Variants in VEZT observed in about 807,000 individuals in gnomAD.
VEZT encodes the protein vezatin.
A neutral mutation model predicts 79.9 loss-of-function variants in VEZT; 39 were observed. The ratio of observed to expected loss-of-function variants is 0.49; its 90% CI spans 0.38 to 0.64. VEZT has a LOEUF of 0.64. VEZT is among the 30% of genes least tolerant of loss of function. The probability of loss-of-function intolerance (pLI) is 0.00; values close to 1 mark genes in which losing one functional copy is unlikely to be tolerated. For missense variants in VEZT, 837 were observed against 893.1 expected (o/e 0.94, Z 0.80); for synonymous variants, 325 against 327.6 (o/e 0.99, Z 0.09).
At chr12:95,250,265 T>G (rs1274070337) in intron 1 of VEZT, among the ~76,000 whole-genome samples, 4 of 141,414 alleles carry the variant, frequency 2.8e-5, no homozygotes, top group Non-Finnish European at 6.1e-5. Context: ...TTTCATTGAA[T>G]GGAATCAAGA....
At chr12:95,260,295 G>A (rs376111448) in intron 3 of VEZT, among the ~76,000 whole-genome samples, 255 of 152,074 alleles carry the variant, frequency 1.7e-3, no homozygotes, top group Middle Eastern at 6.8e-3. Flanking sequence ...TAGTAGAGAT[G>A]AGGTTTCACT....
intron 1 of VEZT, among the ~76,000 whole-genome samples, chr12:95,237,571 CCAAA>C (rs2060365974): frequency 6.6e-6 from 1 of 152,292 alleles, no homozygotes; most frequent in East Asian, 1.9e-4. Flanking sequence ...AGGGCCATTA[CCAAA>C]CACTCACCAC....
chr12:95,236,071 C>A (rs796697021), intron 1 of VEZT, among the ~76,000 whole-genome samples: 2 of 152,098 alleles, frequency 1.3e-5, no homozygotes, highest in African/African-American at 4.8e-5. Context: ...CCAAGGCAGG[C>A]GGCTGGGAGG....
At chr12:95,223,786 T>G (rs2057986742) in intron 1 of VEZT, among the ~76,000 whole-genome samples, 2 of 152,206 alleles carry the variant, frequency 1.3e-5, no homozygotes, top group South Asian at 4.1e-4. Context: ...TTGGTTTTGT[T>G]TGGTCAGTTC....
intron 3 of VEZT, among the ~76,000 whole-genome samples, chr12:95,261,019 A>G (rs904518716): frequency 2.0e-5 from 3 of 151,934 alleles, no homozygotes; most frequent in Non-Finnish European, 2.9e-5. Context: ...AAAAAAAAAA[A>G]AAGCCATATC....
intron 9 of VEZT, among the ~76,000 whole-genome samples, chr12:95,291,237 A>G (rs569030622): frequency 2.6e-5 from 4 of 152,284 alleles, no homozygotes; most frequent in African/African-American, 7.2e-5. Flanking sequence ...TCTCAAAAAT[A>G]TATGTGTGTG....
intron 1 of VEZT, among the ~76,000 whole-genome samples, chr12:95,236,561 G>A (rs1031905718): frequency 4.6e-5 from 7 of 151,786 alleles, no homozygotes; most frequent in Admixed American, 1.3e-4. Flanking sequence ...TGAGGCAAAT[G>A]CTCTTACTGA....
chr12:95,238,053 G>C (rs576465409), intron 1 of VEZT, among the ~76,000 whole-genome samples: 16 of 152,152 alleles, frequency 1.1e-4, no homozygotes, highest in Non-Finnish European at 2.1e-4. Flanking sequence ...TGCCTTGCAG[G>C]GTTGAGCATT....
intron 7 of VEZT, among the ~76,000 whole-genome samples, chr12:95,280,524 T>TACACACACAC (rs10611290): frequency 3.6e-5 from 5 of 137,642 alleles, no homozygotes; most frequent in African/African-American, 5.4e-5. Flanking sequence ...TTCATATGTG[T>TACACACACAC]ACACACACAC....
At chr12:95,232,526 A>AG (rs2059403706) in intron 1 of VEZT, among the ~76,000 whole-genome samples, 1 of 152,152 alleles carries the variant, frequency 6.6e-6, no homozygotes, top group Non-Finnish European at 1.5e-5. Flanking sequence ...ATTACTTCTC[A>AG]AACATTACAC....
chr12:95,296,732 G>C (rs1391279030), intron 11 of VEZT: 1 of 152,908 alleles, frequency 6.5e-6, no homozygotes, highest in Non-Finnish European at 1.5e-5. Flanking sequence ...TTGAGGTCAG[G>C]AGTTCAAGAC....
intron 2 of VEZT, among the ~76,000 whole-genome samples, chr12:95,254,333 G>A (rs2063102985): frequency 7.1e-6 from 1 of 141,582 alleles, no homozygotes; most frequent in Non-Finnish European, 1.5e-5. Flanking sequence ...TTTCTAAAAC[G>A]AAGTTCTTTT....
intron 2 of VEZT, 30 bp from the exon 3 acceptor site, chr12:95,257,120 A>G: frequency 1.3e-6 from 2 of 1,560,394 alleles, no homozygotes; most frequent in Non-Finnish European, 1.8e-6. Context: ...GCTTTTAATA[A>G]TCCTATACAA....
At chr12:95,277,775 T>C (rs892452844) in intron 7 of VEZT, among the ~76,000 whole-genome samples, 1 of 152,226 alleles carries the variant, frequency 6.6e-6, no homozygotes, top group African/African-American at 2.4e-5. Context: ...TGAGAAGACA[T>C]ATTAAATACC....
At chr12:95,241,661 A>G (rs960049475) in intron 1 of VEZT, among the ~76,000 whole-genome samples, 1 of 152,080 alleles carries the variant, frequency 6.6e-6, no homozygotes, top group Admixed American at 6.6e-5. Flanking sequence ...AAATGTGGGG[A>G]GGGGGAGTTG....
chr12:95,220,554 A>T (rs1259975711), intron 1 of VEZT, among the ~76,000 whole-genome samples: 1 of 152,160 alleles, frequency 6.6e-6, no homozygotes, highest in Non-Finnish European at 1.5e-5. Context: ...AATGATCACT[A>T]TTTAAACATA....
chr12:95,278,968 G>A (rs749609219), intron 7 of VEZT, among the ~76,000 whole-genome samples: 6 of 152,226 alleles, frequency 3.9e-5, no homozygotes, highest in Non-Finnish European at 7.3e-5. Context: ...TACTCGGGAG[G>A]CTGAGGCAGG....
chr12:95,272,987 A>G (rs1209042205), intron 6 of VEZT, among the ~76,000 whole-genome samples: 3 of 152,116 alleles, frequency 2.0e-5, no homozygotes, highest in Non-Finnish European at 2.9e-5. Context: ...GGCTCAAGGG[A>G]TCCCACATTG....
intron 9 of VEZT, among the ~76,000 whole-genome samples, chr12:95,293,284 A>T (rs981523267): frequency 6.6e-6 from 1 of 152,248 alleles, no homozygotes; most frequent in African/African-American, 2.4e-5. Context: ...TCGTTCTGCC[A>T]TCTTGCCTAC....
Sources: gnomAD v4.1 joint callset for allele counts (sites outside exome capture counted in the v4.1 genomes callset) on GRCh38, gnomAD v4.1.1 for gene constraint, MANE v1.5 for transcripts, NCBI Gene and HGNC (gene_info 2026-07-23, HGNC 2026-07-21) for gene names.